Variants in SH3PXD2A observed in about 807,000 individuals in gnomAD.
SH3PXD2A encodes SH3 and PX domain-containing protein 2A.
Under a neutral mutation model 115.2 loss-of-function variants are expected in SH3PXD2A, and 32 were observed. The observed-to-expected ratio is 0.28, with a 90% confidence interval of 0.21 to 0.37. SH3PXD2A has a LOEUF of 0.37. Ranked by LOEUF, SH3PXD2A falls within the 10% of genes least tolerant of loss-of-function variation. The pLI is 1.00. For synonymous variants in SH3PXD2A, 610 were observed against 629.1 expected (o/e 0.97, Z 0.45); for missense variants, 1,328 against 1,498.7 (o/e 0.89, Z 1.88).
chr10:103,701,750 G>GTCCATCATCCATCCA (rs2037911964), intron 5 of SH3PXD2A, among the ~76,000 whole-genome samples: 4 of 6,966 alleles, frequency 5.7e-4, no homozygotes, highest in African/African-American at 1.7e-3. Context: ...CCATCCATCC[G>GTCCATCATCCATCCA]TCCATCATCC....
At chr10:103,811,300 C>T (rs1020901277) in intron 1 of SH3PXD2A, among the ~76,000 whole-genome samples, 2 of 152,198 alleles carry the variant, frequency 1.3e-5, no homozygotes, top group East Asian at 1.9e-4. Flanking sequence ...GAGTCAGCTC[C>T]GCCAAACCTT....
intron 9 of SH3PXD2A, among the ~76,000 whole-genome samples, chr10:103,624,587 GTGTCTCA>G (rs1241945353): frequency 2.6e-5 from 4 of 152,188 alleles, no homozygotes; most frequent in Non-Finnish European, 2.9e-5. Context: ...ATACATCAAA[GTGTCTCA>G]TGATAAGGAC....
chr10:103,801,675 C>T (rs1003814154), intron 1 of SH3PXD2A, among the ~76,000 whole-genome samples: 1 of 152,086 alleles, frequency 6.6e-6, no homozygotes, highest in African/African-American at 2.4e-5. Flanking sequence ...ATATTTCATA[C>T]AATAAACATA....
intron 3 of SH3PXD2A, among the ~76,000 whole-genome samples, chr10:103,743,566 T>TATA (rs757073585): frequency 0.015 from 2,229 of 152,204 alleles, 28 homozygotes; most frequent in Non-Finnish European, 0.022. Flanking sequence ...TGATGGGGTC[T>TATA]TGTTATGTTG....
intron 3 of SH3PXD2A, among the ~76,000 whole-genome samples, chr10:103,757,050 T>C (rs1322452952): frequency 2.0e-5 from 3 of 152,206 alleles, no homozygotes; most frequent in Admixed American, 6.5e-5. Flanking sequence ...GAGTATGAGT[T>C]GGCTGGAAGC....
At chr10:103,730,232 C>CTT (rs67561170) in intron 4 of SH3PXD2A, among the ~76,000 whole-genome samples, 3 of 118,246 alleles carry the variant, frequency 2.5e-5, no homozygotes, top group Non-Finnish European at 5.4e-5. Context: ...TTTCTCGTTT[C>CTT]TTTTTTTTTT....
chr10:103,727,128 T>C (rs2134175305), intron 4 of SH3PXD2A, among the ~76,000 whole-genome samples: 1 of 152,238 alleles, frequency 6.6e-6, no homozygotes, highest in African/African-American at 2.4e-5. Context: ...TAATGACATG[T>C]CACCCCATTT....
At chr10:103,757,244 T>A (rs1327028157) in intron 3 of SH3PXD2A, among the ~76,000 whole-genome samples, 1 of 152,218 alleles carries the variant, frequency 6.6e-6, no homozygotes. Context: ...TTCTGGTGAC[T>A]TTGCCAACAA....
intron 5 of SH3PXD2A, among the ~76,000 whole-genome samples, chr10:103,715,856 C>T (rs1054571165): frequency 2.6e-5 from 4 of 152,200 alleles, no homozygotes; most frequent in Non-Finnish European, 5.9e-5. Context: ...CACCACCTTG[C>T]CCCTCGTCTT....
rs369702457 is a variant in SH3PXD2A at position 103,607,094 on chromosome 10, G to A, written c.1309-1177C>T. 3.0e-4 allele frequency among the ~76,000 whole-genome samples: 45 copies of A among 151,034 alleles called. No homozygotes were observed. In the East Asian group the frequency reaches 7.7e-3, roughly 26 times the overall value. On this transcript the variant is annotated intron_variant, in intron 13 of 14. Coordinates refer to ENST00000369774, the MANE Select transcript of SH3PXD2A (RefSeq NM_001394015.1). ...CCATCCCATCTAGGAAGTGAGGAGCGTCTCTGCCCAGCCGCCCATCGTCTG... is the reference window on the plus strand; with the variant it reads ...CCATCCCATCTAGGAAGTGAGGAGCATCTCTGCCCAGCCGCCCATCGTCTG...
intron 1 of SH3PXD2A, among the ~76,000 whole-genome samples, chr10:103,817,275 G>A (rs1589468263): frequency 1.3e-5 from 2 of 151,856 alleles, no homozygotes; most frequent in African/African-American, 4.8e-5. Flanking sequence ...CCCAGTACCC[G>A]ACAGTTGTCT....
At chr10:103,839,790 C>T (rs1310450052) in intron 1 of SH3PXD2A, among the ~76,000 whole-genome samples, 2 of 152,232 alleles carry the variant, frequency 1.3e-5, no homozygotes, top group South Asian at 2.1e-4. Context: ...CATTAAACTA[C>T]CTCCCCAAAG....
chr10:103,703,551 T>C (rs944969654), intron 5 of SH3PXD2A, among the ~76,000 whole-genome samples: 1 of 152,132 alleles, frequency 6.6e-6, no homozygotes, highest in Non-Finnish European at 1.5e-5. Flanking sequence ...TGACCCCCAA[T>C]AGCACTGAAT....
chr10:103,685,462 G>A (rs1458736722), intron 6 of SH3PXD2A, among the ~76,000 whole-genome samples: 1 of 152,080 alleles, frequency 6.6e-6, no homozygotes, highest in East Asian at 1.9e-4. Context: ...TTGCAGGGAG[G>A]CTCCTGGCAA....
chr10:103,670,896 T>G (rs7100156), intron 6 of SH3PXD2A, among the ~76,000 whole-genome samples: 44 of 152,366 alleles, frequency 2.9e-4, no homozygotes, highest in African/African-American at 9.1e-4. Flanking sequence ...TGCCCACATC[T>G]TGCTGAAGTT....
At chr10:103,761,111 A>T (rs2038695508) in intron 3 of SH3PXD2A, among the ~76,000 whole-genome samples, 1 of 152,206 alleles carries the variant, frequency 6.6e-6, no homozygotes. Context: ...ACCAGCTGAC[A>T]TGCTTGTTTA....
At chr10:103,727,974 C>A (rs2038263201) in intron 4 of SH3PXD2A, among the ~76,000 whole-genome samples, 1 of 152,226 alleles carries the variant, frequency 6.6e-6, no homozygotes, top group African/African-American at 2.4e-5. Context: ...GGCCAGGGCA[C>A]CCCCAAGCCC....
Position 103,620,933 on chromosome 10 carries a change from G to A in SH3PXD2A, c.802+1537C>T, listed in dbSNP as rs374905151. On this transcript the variant is annotated intron_variant, in intron 10 of 14. Transcript: ENST00000369774. The surrounding 1 kb of genome is among the most constrained non-coding windows in gnomAD (Gnocchi z 5.3). ...TGGGTGGCGTATGTGTGTATGTTGC[G>A]TATATGTGTGTGTGTGATGATTTTG... Among the ~76,000 whole-genome samples, 60 of 152,286 alleles carry A rather than the reference G, an allele frequency of 3.9e-4. No individual in the cohort carries two copies. The highest frequency in any genetic ancestry group is 1.3e-3 in the African/African-American group (55 of 41,550).
At chr10:103,706,553 C>T (rs1198687384) in intron 5 of SH3PXD2A, among the ~76,000 whole-genome samples, 1 of 152,202 alleles carries the variant, frequency 6.6e-6, no homozygotes, top group Non-Finnish European at 1.5e-5. Flanking sequence ...TCTATTTCTT[C>T]CCCTCAACAG....
Sources: gnomAD v4.1 joint callset for allele counts (sites outside exome capture counted in the v4.1 genomes callset) on GRCh38, gnomAD v4.1.1 for gene constraint, Gnocchi (gnomAD v3.1) non-coding constraint, MANE v1.5 for transcripts, NCBI Gene and HGNC (gene_info 2026-07-23, HGNC 2026-07-21) for gene names.